Variants in FAT2 observed in about 807,000 individuals in gnomAD.
FAT2 encodes FAT atypical cadherin 2, also known as protocadherin Fat 2.
Under a neutral mutation model 295.3 loss-of-function variants are expected in FAT2, and 150 were observed. The observed-to-expected ratio is 0.51, with a 90% CI of 0.44 to 0.58. The LOEUF is 0.58. FAT2 is among the 20% of genes least tolerant of loss of function. FAT2 has a pLI of 0.00. For synonymous variants in FAT2, 2,026 were observed against 2,150.3 expected, an observed-to-expected ratio of 0.94 and a Z score of 1.60; for missense variants, 4,868 against 5,442.7, an observed-to-expected ratio of 0.89 and a Z score of 3.32.
At chr5:151,579,116 G>GA (rs1316420870) in intron 1 of FAT2, among the ~76,000 whole-genome samples, 1 of 152,178 alleles carries the variant, frequency 6.6e-6, no homozygotes, top group Non-Finnish European at 1.5e-5. Context: ...AATTCTGAGG[G>GA]ATCAACAAAT....
At chr5:151,518,222 A>G (rs1753062488) in intron 19 of FAT2, among the ~76,000 whole-genome samples, 1 of 151,908 alleles carries the variant, frequency 6.6e-6, no homozygotes, top group African/African-American at 2.4e-5. Context: ...CTGTAACTCC[A>G]GTTACTTGGA....
intron 1 of FAT2, among the ~76,000 whole-genome samples, chr5:151,575,541 G>A (rs138791935): frequency 8.6e-4 from 131 of 152,278 alleles, no homozygotes; most frequent in African/African-American, 2.8e-3. Flanking sequence ...GGTAAAGTAC[G>A]GCAAATACCT....
intron 20 of FAT2, among the ~76,000 whole-genome samples, chr5:151,515,906 A>G (rs1317766575): frequency 6.6e-6 from 1 of 152,228 alleles, no homozygotes; most frequent in African/African-American, 2.4e-5. Flanking sequence ...CATTTTGCTC[A>G]GAATAAAAGC....
At chr5:151,578,723 C>T (rs1314466958) in intron 1 of FAT2, among the ~76,000 whole-genome samples, 2 of 152,174 alleles carry the variant, frequency 1.3e-5, no homozygotes, top group Non-Finnish European at 2.9e-5. Flanking sequence ...CGTAAATGTC[C>T]ATCAGTAGAT....
chr5:151,579,037 T>C (rs1758847090), intron 1 of FAT2, among the ~76,000 whole-genome samples: 1 of 151,844 alleles, frequency 6.6e-6, no homozygotes. Context: ...CCATTTGGAG[T>C]TGAAAAATTC....
In FAT2 at chr5:151,512,357, C is replaced by T. The variant is rs746072338; in HGVS notation, c.11713G>A (p.Val3905Ile). ...AGGCAGCCTTCAAAGCCCTGGGAGA[C>T]ATTCGAGGAAGAATGCAACAGAATG... is the stretch of plus-strand genomic sequence containing the variant. The part of the protein sequence containing the change: ...GLILLHSSSN[V>I]SQGFEGCLDA... Residue 3905 changes from valine (V) to isoleucine (I), a missense_variant, in exon 21 of 24, where the codon GTC (valine) becomes ATC (isoleucine). This residue lies in a region of FAT2 where 1,046 missense variants were observed against 1,210.1 expected (regional missense o/e 0.86). Coordinates refer to ENST00000261800, the MANE Select transcript of FAT2 (RefSeq NM_001447.3). This position sits in a 1 kb window ranked among gnomAD's most constrained non-coding sequence, Gnocchi z 4.1. The T allele has an allele frequency of 8.7e-6, 14 of 1,614,130 alleles. No individual in the cohort carries two copies. Among genetic ancestry groups the T allele is most frequent in the African/African-American group, 1.3e-5 (1 of 74,940 alleles).
Position 151,512,049 on chromosome 5 carries a change from G to T in FAT2, c.11905+116C>A. ...CCAACCTGTTACTCACAAGTTAGGG[G>T]AAGAGAGAGAAATTTGGAACCAGGA... On this transcript the variant is annotated intron_variant, in intron 21 of 23. Coordinates refer to ENST00000261800, the MANE Select transcript of FAT2 (RefSeq NM_001447.3). The surrounding 1 kb of genome is among the most constrained non-coding windows in gnomAD (Gnocchi z 4.1). 1 of 911,152 alleles carries T rather than the reference G, an allele frequency of 1.1e-6. No individual in the cohort carries two copies. Among genetic ancestry groups the T allele is most frequent in the South Asian group, 1.7e-5 (1 of 57,550 alleles). 56.4% of individuals were successfully genotyped at this position (911,152 alleles called of 1,614,324 possible). A position where few individuals can be genotyped will look rare whatever the true frequency, so the allele number is the denominator to read the frequency against.
Position 151,510,210 on chromosome 5 carries a change from G to A in FAT2, c.11906-36C>T, listed in dbSNP as rs748624519. 1.4e-5 allele frequency: 23 copies of A among 1,609,052 alleles called. No individual in the cohort carries two copies. The Middle Eastern group carries it at 5.0e-4, about 35-fold the overall frequency. On this transcript the variant is annotated intron_variant, in intron 21 of 23. Coordinates refer to ENST00000261800, the MANE Select transcript of FAT2 (RefSeq NM_001447.3). ...AAGAAGGGAGGTGAGAGACCGCACT[G>A]GCCTAGCAGTTAAAGGAGACCTGGC...
upstream of FAT2, among the ~76,000 whole-genome samples, chr5:151,591,716 G>A (rs1349139685): frequency 1.9e-4 from 29 of 152,096 alleles, no homozygotes; most frequent in Non-Finnish European, 8.8e-5. Context: ...CTTTGGAGAC[G>A]GACAGATTTG....
At chr5:151,534,689 AC>A (rs1755038703) in intron 12 of FAT2, 47 bp from the exon 13 acceptor site, 5 of 1,522,572 alleles carry the variant, frequency 3.3e-6, no homozygotes, top group Non-Finnish European at 4.5e-6. Flanking sequence ...GGGAAATATT[AC>A]CCAAGCATGT....
chr5:151,562,185 G>T (rs1758043505), intron 3 of FAT2, among the ~76,000 whole-genome samples: 8 of 152,144 alleles, frequency 5.3e-5, no homozygotes, highest in Admixed American at 4.6e-4. Flanking sequence ...GTCTGCTCCA[G>T]GAGTCCCAGC....
Position 151,566,051 on chromosome 5 carries a change from G to T in FAT2, c.2881C>A (p.Arg961=). 6.2e-7 allele frequency: 1 copy of T among 1,614,072 alleles called. No homozygotes were observed. The highest frequency in any genetic ancestry group is 8.5e-7 in the Non-Finnish European group (1 of 1,180,030). ...TGGGCGCCATCCATCAGAACATATC[G>T]CACTTCACCTGCGGGGCCCAGGTCA... ...DPDLGPAGEV[R]YVLMDGAHGT... is the part of the protein sequence containing the mutation. The change falls in exon 2 of 24, where the codon CGA becomes AGA. Residue 961 remains arginine (R), a synonymous_variant. Transcript: ENST00000261800.
Position 151,510,112 on chromosome 5 carries a change from A to G in FAT2, c.11968T>C (p.Cys3990Arg). The stretch of plus-strand genomic sequence containing the variant: ...CCTTCCAGGCAGGGTGCAAAAGTAC[A>G]GTTCTCCCTTCCTTGTTCACAGTGC... ...GKHCEQGREN[C>R]TFAPCLEGGT... The change falls in exon 22 of 24, where the codon TGT (cysteine) becomes CGT (arginine). Residue 3990 changes from cysteine (C) to arginine (R), a missense_variant. Coordinates refer to ENST00000261800, the MANE Select transcript of FAT2 (RefSeq NM_001447.3). 6.2e-7 allele frequency: 1 copy of G among 1,614,176 alleles called. No homozygotes were observed. The highest frequency in any genetic ancestry group is 8.5e-7 in the Non-Finnish European group (1 of 1,180,016).
At position 151,531,676 on chromosome 5, in the gene FAT2, G is replaced by A. The variant is rs988598149; in HGVS notation, c.9722C>T (p.Ala3241Val). ...CTCTGCGCCCGGGCGAGTGAGGGTGGCCAGCTGCAGCACCTCCGTGCCAGG... is the reference window on the plus strand; with the variant it reads ...CTCTGCGCCCGGGCGAGTGAGGGTGACCAGCTGCAGCACCTCCGTGCCAGG... ...APPGTEVLQL[A>V]TLTRPGAEKT... The change falls in exon 14 of 24, where the codon GCC becomes GTC. Residue 3241 changes from alanine (A) to valine (V), a missense_variant. By Grantham distance (64) the Ala-to-Val change is moderately conservative (BLOSUM62 0). This residue lies in a region of FAT2 where 1,046 missense variants were observed against 1,210.1 expected (regional missense o/e 0.86). Coordinates refer to ENST00000261800, the MANE Select transcript of FAT2 (RefSeq NM_001447.3). The surrounding 1 kb of genome is among the most constrained non-coding windows in gnomAD (Gnocchi z 5.7). The A allele has an allele frequency of 1.2e-6, 2 of 1,613,764 alleles. No individual in the cohort carries two copies. The highest frequency in any genetic ancestry group is 1.1e-5 in the South Asian group (1 of 91,028).
intron 1 of FAT2, among the ~76,000 whole-genome samples, chr5:151,587,014 C>T (rs1458842936): frequency 2.2e-4 from 33 of 151,974 alleles, no homozygotes; most frequent in Admixed American, 6.6e-5. Context: ...TGATGTCACA[C>T]GCCTGTAGTC....
rs143280642 is a variant in FAT2, at chr5:151,506,113, A to AAGAT, written c.12518-20_12518-17dup. On this transcript the variant is annotated splice_polypyrimidine_tract_variant and intron_variant, in intron 23 of 23. Transcript: ENST00000261800. ...CCAGGGTACACTGAAAGGGAACAGC[A>AAGAT]AGATAGGGTGAGCTCATTTTCTCCC... is the stretch of plus-strand genomic sequence containing the variant. 14,230 of 1,500,754 alleles carry AAGAT rather than the reference A, an allele frequency of 9.5e-3. 1,158 individuals carry two copies. In the African/African-American group the frequency reaches 0.18, roughly 19 times the overall value. 93.0% of individuals were successfully genotyped at this position (1,500,754 alleles called of 1,614,324 possible). A position where few individuals can be genotyped will look rare whatever the true frequency, so the allele number is the denominator to read the frequency against.
At position 151,566,970 on chromosome 5, in the gene FAT2, C is replaced by A; in HGVS notation, c.1962G>T (p.Leu654Phe). 1 of 1,614,048 alleles carries A rather than the reference C, an allele frequency of 6.2e-7. No individual in the cohort carries two copies. The highest frequency in any genetic ancestry group is 8.5e-7 in the Non-Finnish European group (1 of 1,179,988). ...DGKNYASPTT[L>F]NITVVKDPHF... ...GAGGGTCCTTCACCACAGTAATATT[C>A]AAAGTTGTGGGTGAGGCATAGTTTT... is the stretch of plus-strand genomic sequence containing the variant. The change falls in exon 2 of 24, where the codon TTG becomes TTT. Residue 654 changes from leucine to phenylalanine, a missense_variant. By Grantham distance (22) the Leu-to-Phe change is conservative. Coordinates refer to ENST00000261800, the MANE Select transcript of FAT2 (RefSeq NM_001447.3).
In FAT2 at chr5:151,531,686, G is replaced by T; in HGVS notation, c.9712C>A (p.Leu3238Met). Residue 3238 changes from leucine to methionine, a missense_variant, in exon 14 of 24, where the codon CTG (leucine) becomes ATG (methionine). Physicochemically the swap from Leu to Met is conservative, Grantham distance 15. This residue lies in a region of FAT2 where 1,046 missense variants were observed against 1,210.1 expected (regional missense o/e 0.86). Transcript: ENST00000261800. This position sits in a 1 kb window ranked among gnomAD's most constrained non-coding sequence, Gnocchi z 5.7. ...PEDAPPGTEV[L>M]QLATLTRPGA... is the part of the protein sequence containing the mutation. ...GGGCGAGTGAGGGTGGCCAGCTGCA[G>T]CACCTCCGTGCCAGGTGGGGCGTCC... is the stretch of plus-strand genomic sequence containing the variant. The T allele has an allele frequency of 6.2e-7, 1 of 1,613,844 alleles. No homozygotes were observed. The highest frequency in any genetic ancestry group is 8.5e-7 in the Non-Finnish European group (1 of 1,179,888).
At position 151,505,721 on chromosome 5, in the gene FAT2, C is replaced by T. The variant is rs891173129; in HGVS notation, c.12894G>A (p.Val4298=). Residue 4298 remains valine (V), a synonymous_variant, in exon 24 of 24, where the codon GTG becomes GTA. Coordinates refer to ENST00000261800, the MANE Select transcript of FAT2 (RefSeq NM_001447.3). The stretch of plus-strand genomic sequence containing the variant: ...GCCCAGCTCGGCTGAGGCGCATACC[C>T]ACCCCCTTGTAGCCCCCGTCTGCCA... ...PCLADGGYKG[V]GMRLSRAGPS... The T allele has an allele frequency of 6.2e-7, 1 of 1,613,982 alleles. No homozygotes were observed. The highest frequency in any genetic ancestry group is 1.3e-5 in the African/African-American group (1 of 75,056).
Sources: allele counts gnomAD v4.1 joint callset (sites outside exome capture counted in the v4.1 genomes callset), GRCh38; gene constraint gnomAD v4.1.1; regional missense constraint gnomAD v4.1.1; non-coding constraint Gnocchi (gnomAD v3.1); transcripts MANE v1.5; gene names NCBI Gene and HGNC (gene_info 2026-07-23, HGNC 2026-07-21).